Variants in ASTN2 observed in about 807,000 individuals in gnomAD.
The protein encoded by ASTN2 is astrotactin-2.
In ASTN2, 54 loss-of-function variants were observed where a neutral mutation model predicts 139.8. The observed-to-expected ratio is 0.39, with a 90% confidence interval of 0.31 to 0.48. The LOEUF is 0.48. Ranked by LOEUF, ASTN2 falls within the 20% of genes least tolerant of loss-of-function variation. ASTN2 has a pLI of 0.95. For missense variants in ASTN2, 1,565 were observed against 1,725.1 expected, an observed-to-expected ratio of 0.91 and a Z score of 1.64; for synonymous variants, 756 against 719.5, an observed-to-expected ratio of 1.05 and a Z score of -0.81.
rs58453548 is a variant in ASTN2 at position 116,724,410 on chromosome 9, A to G, written c.2806+1361T>C. 9.1e-3 allele frequency among the ~76,000 whole-genome samples: 1,391 copies of G among 152,286 alleles called. 19 individuals are homozygous for G. Among genetic ancestry groups the G allele is most frequent in the African/African-American group, 0.031 (1,308 of 41,556 alleles). ...ACAGGAAGCAGAAAGGGCTGAGAGC[A>G]CGACTGGGGATGCAAAGCCCCCAGG... On this transcript the variant is annotated intron_variant, in intron 16 of 22. Coordinates refer to ENST00000313400, the MANE Select transcript of ASTN2 (RefSeq NM_001365068.1).
chr9:116,752,949 G>A (rs975854185), intron 13 of ASTN2, among the ~76,000 whole-genome samples: 4 of 152,182 alleles, frequency 2.6e-5, no homozygotes, highest in Admixed American at 6.5e-5. Flanking sequence ...TTGGAGAATC[G>A]TTTGGCAGTT....
intron 16 of ASTN2, among the ~76,000 whole-genome samples, chr9:116,666,098 T>C (rs1305297830): frequency 1.3e-5 from 2 of 152,174 alleles, no homozygotes; most frequent in Admixed American, 6.6e-5. Flanking sequence ...TCTAGACAAC[T>C]ATCATCAATG....
At chr9:117,178,727 C>T (rs148137214) in intron 3 of ASTN2, among the ~76,000 whole-genome samples, 115 of 152,334 alleles carry the variant, frequency 7.5e-4, no homozygotes, top group African/African-American at 2.7e-3. Flanking sequence ...ACAGAGAAGA[C>T]GCAGGCAGGG....
chr9:117,169,644 C>G (rs1053905061), intron 3 of ASTN2, among the ~76,000 whole-genome samples: 5 of 151,348 alleles, frequency 3.3e-5, no homozygotes, highest in African/African-American at 1.2e-4. Flanking sequence ...CACACGCTTT[C>G]AAACAGAGTC....
intron 10 of ASTN2, among the ~76,000 whole-genome samples, chr9:116,918,803 T>G (rs1432251699): frequency 6.6e-6 from 1 of 152,224 alleles, no homozygotes; most frequent in African/African-American, 2.4e-5. Context: ...ATTACAGTCT[T>G]ATAAACATAA....
At chr9:116,642,191 T>G (rs1490868046) in intron 17 of ASTN2, among the ~76,000 whole-genome samples, 1 of 148,932 alleles carries the variant, frequency 6.7e-6, no homozygotes, top group Non-Finnish European at 1.5e-5. Context: ...AACTCCATTT[T>G]AAACAAACAC....
chr9:117,404,738 G>C (rs1296274249), intron 1 of ASTN2, among the ~76,000 whole-genome samples: 1 of 152,014 alleles, frequency 6.6e-6, no homozygotes, highest in African/African-American at 2.4e-5. Context: ...TCCCAAAAAA[G>C]GACATAGAGC....
chr9:117,197,349 G>T (rs1293264326), intron 3 of ASTN2: 1 of 152,168 alleles, frequency 6.6e-6, no homozygotes, highest in Non-Finnish European at 1.5e-5. Context: ...CTCTAAACAA[G>T]CTCTCAAGAT....
chr9:116,810,795 A>T, intron 12 of ASTN2, among the ~76,000 whole-genome samples: 1 of 152,158 alleles, frequency 6.6e-6, no homozygotes, highest in East Asian at 1.9e-4. Context: ...ATAATTTGAT[A>T]AGTCTTGCCT....
At chr9:116,927,963 A>G (rs935473496) in intron 10 of ASTN2, among the ~76,000 whole-genome samples, 3 of 152,040 alleles carry the variant, frequency 2.0e-5, no homozygotes, top group Non-Finnish European at 4.4e-5. Flanking sequence ...CCCTCCGTAT[A>G]CCCTTTCATG....
intron 1 of ASTN2, among the ~76,000 whole-genome samples, chr9:117,371,618 G>A (rs1451761371): frequency 6.6e-6 from 1 of 152,104 alleles, no homozygotes. Flanking sequence ...TCAATTTCTT[G>A]ATCTGTAAAG....
intron 10 of ASTN2, among the ~76,000 whole-genome samples, chr9:116,936,804 ACT>A (rs1216760143): frequency 1.4e-5 from 2 of 145,946 alleles, no homozygotes; most frequent in African/African-American, 4.9e-5. Context: ...ATTTACCAAA[ACT>A]CTGCCCAAGG....
At chr9:117,057,565 T>C (rs1839098150) in intron 5 of ASTN2, among the ~76,000 whole-genome samples, 1 of 152,198 alleles carries the variant, frequency 6.6e-6, no homozygotes. Context: ...TTTATAGAAA[T>C]CTATGTATAT....
intron 22 of ASTN2, among the ~76,000 whole-genome samples, chr9:116,436,522 T>C (rs1391994400): frequency 6.6e-6 from 1 of 152,212 alleles, no homozygotes; most frequent in African/African-American, 2.4e-5. Flanking sequence ...ATACATAGTT[T>C]ACATTGTAGT....
At chr9:117,212,737 G>T (rs1321381061) in intron 3 of ASTN2, among the ~76,000 whole-genome samples, 2 of 152,058 alleles carry the variant, frequency 1.3e-5, no homozygotes, top group Non-Finnish European at 2.9e-5. Context: ...CTGCAATGAG[G>T]TATAATCTCA....
In ASTN2 at chr9:117,077,185, T is replaced by C. The variant is rs369693495; in HGVS notation, c.1276+18859A>G. ...CAATCAATATGAACCAGGCTTGGGC[T>C]CTGCCATCAGGTGGAGAAACAGAGA... On this transcript the variant is annotated intron_variant, in intron 5 of 22. Coordinates refer to ENST00000313400, the MANE Select transcript of ASTN2 (RefSeq NM_001365068.1). Among the ~76,000 whole-genome samples the C allele has an allele frequency of 1.2e-4, 19 of 152,244 alleles. No homozygotes were observed. In the East Asian group the frequency reaches 2.9e-3, roughly 23 times the overall value.
rs1338572369 is a variant in ASTN2 at position 116,565,385 on chromosome 9, CTCCA to C, written c.3355+52935_3355+52938del. On this transcript the variant is annotated intron_variant, in intron 19 of 22. Coordinates refer to ENST00000313400, the MANE Select transcript of ASTN2 (RefSeq NM_001365068.1). ...TCTCTCTCTCTCTCTCTCTCTCTCT[CTCCA>C]TATATATATATATATATATATATAT... Among the ~76,000 whole-genome samples the C allele has an allele frequency of 4.7e-3, 143 of 30,700 alleles. 4 individuals carry two copies. Among genetic ancestry groups the C allele is most frequent in the Admixed American group, 0.011 (20 of 1,890 alleles). The allele number at this position is 30,700 out of a possible 152,430, so 20.1% of individuals were successfully genotyped here. A position where few individuals can be genotyped will look rare whatever the true frequency, so the allele number is the denominator to read the frequency against.
At chr9:116,800,597 C>G (rs115626156) in intron 13 of ASTN2, among the ~76,000 whole-genome samples, 1,787 of 152,272 alleles carry the variant, frequency 0.012, 43 homozygotes, top group African/African-American at 0.041. Flanking sequence ...TCACTCTACA[C>G]TGAGAACAGG....
At chr9:116,530,035 C>A (rs1447651363) in intron 19 of ASTN2, among the ~76,000 whole-genome samples, 2 of 137,262 alleles carry the variant, frequency 1.5e-5, no homozygotes, top group Non-Finnish European at 3.1e-5. Context: ...GCATTAGTAA[C>A]AATAGCCAAG....
Sources: gnomAD v4.1 joint callset for allele counts (sites outside exome capture counted in the v4.1 genomes callset) on GRCh38, gnomAD v4.1.1 for gene constraint, MANE v1.5 for transcripts, NCBI Gene and HGNC (gene_info 2026-07-23, HGNC 2026-07-21) for gene names.